The following WNT2 variants were observed in gnomAD, a reference collection of about 807,000 sequenced individuals.
The protein encoded by WNT2 is Wnt family member 2, also known as protein Wnt-2.
A neutral mutation model predicts 36.9 loss-of-function variants in WNT2; 12 were observed. The observed-to-expected ratio is 0.33, with a 90% confidence interval of 0.21 to 0.53. WNT2 has a LOEUF of 0.53. Among genes scored for constraint, WNT2 ranks in the 20% least tolerant of loss-of-function variants. The pLI, the probability that WNT2 is intolerant of heterozygous loss-of-function variation, is 0.95. For missense variants in WNT2, 379 were observed against 473.1 expected (o/e 0.80, Z 1.84); for synonymous variants, 163 against 174.6 (o/e 0.93, Z 0.52).
intron 4 of WNT2, among the ~76,000 whole-genome samples, chr7:117,296,406 C>G: frequency 6.6e-6 from 1 of 152,198 alleles, no homozygotes; most frequent in East Asian, 1.9e-4. Context: ...GTGACATTCC[C>G]TGGTAACTTT....
At chr7:117,304,624 C>T (rs141253230) in intron 3 of WNT2, among the ~76,000 whole-genome samples, 10,362 of 152,044 alleles carry the variant, frequency 0.068, 464 homozygotes, top group Non-Finnish European at 0.11. Context: ...TCAGTAGAGA[C>T]GGGGTTTCAC....
chr7:117,278,350 C>T lies in WNT2; in HGVS notation c.888G>A (p.Leu296=). Residue 296 remains leucine, a synonymous_variant, in exon 5 of 5, where the codon CTG becomes CTA. Transcript: ENST00000265441. ...SLGTAGRVCN[L]TSRGMDSCEV... ...CACAGCTGTCCATGCCCCGGGAAGT[C>T]AGGTTGCACACACGGCCTGCTGTAC... is the stretch of plus-strand genomic sequence containing the variant. The T allele has an allele frequency of 1.2e-6, 2 of 1,614,074 alleles. No individual in the cohort carries two copies. Among genetic ancestry groups the T allele is most frequent in the Non-Finnish European group, 1.7e-6 (2 of 1,179,994 alleles).
chr7:117,295,145 G>A (rs1361702708), intron 4 of WNT2, among the ~76,000 whole-genome samples: 1 of 146,198 alleles, frequency 6.8e-6, no homozygotes, highest in Non-Finnish European at 1.5e-5. Flanking sequence ...GAGATGAGAC[G>A]AGACAAGATG....
chr7:117,300,247 C>T (rs141156702), intron 3 of WNT2, among the ~76,000 whole-genome samples: 5 of 152,192 alleles, frequency 3.3e-5, no homozygotes, highest in East Asian at 1.9e-4. Flanking sequence ...AGTGCAGTGG[C>T]GCGATCTCAG....
intron 2 of WNT2, among the ~76,000 whole-genome samples, chr7:117,319,903 G>C (rs1795293530): frequency 6.6e-6 from 1 of 152,142 alleles, no homozygotes; most frequent in Admixed American, 6.5e-5. Context: ...GCCACTACAA[G>C]TTTATCCACT....
At chr7:117,299,103 G>T (rs971188256) in intron 3 of WNT2, among the ~76,000 whole-genome samples, 1 of 152,214 alleles carries the variant, frequency 6.6e-6, no homozygotes, top group African/African-American at 2.4e-5. Context: ...AGGGACCTGG[G>T]CATCTTTAAA....
At chr7:117,280,532 A>G (rs149543992) in intron 4 of WNT2, among the ~76,000 whole-genome samples, 406 of 152,318 alleles carry the variant, frequency 2.7e-3, no homozygotes, top group Admixed American at 8.1e-3. Context: ...TTGATTTGCT[A>G]AGGACCTACT....
chr7:117,321,489 G>T (rs901199624), intron 1 of WNT2, among the ~76,000 whole-genome samples: 1 of 152,160 alleles, frequency 6.6e-6, no homozygotes, highest in Non-Finnish European at 1.5e-5. Flanking sequence ...TTTTTGAAAA[G>T]AAACTTTAAC....
intron 4 of WNT2, among the ~76,000 whole-genome samples, chr7:117,285,532 A>C (rs1202330848): frequency 6.6e-6 from 1 of 152,210 alleles, no homozygotes; most frequent in Non-Finnish European, 1.5e-5. Context: ...CATTTCCAAC[A>C]GCCATCTTGA....
intron 3 of WNT2, among the ~76,000 whole-genome samples, chr7:117,314,333 G>A (rs117625230): frequency 1.3e-5 from 2 of 152,196 alleles, no homozygotes; most frequent in African/African-American, 2.4e-5. Context: ...CTAGGGTAAA[G>A]CACCCCTGGA....
At position 117,315,255 on chromosome 7, in the gene WNT2, C is replaced by T. The variant is rs781180000; in HGVS notation, c.404G>A (p.Cys135Tyr). ...RACSQGEVKS[C>Y]SCDPKKMGSA... ...TCCCATCTTCTTTGGATCACAGGAA[C>T]AGGATTTTACTTCTCCTTGGCTACA... Residue 135 changes from cysteine to tyrosine, a missense_variant, in exon 3 of 5, where the codon TGT (cysteine) becomes TAT (tyrosine). Coordinates refer to ENST00000265441, the MANE Select transcript of WNT2 (RefSeq NM_003391.3). 6.2e-7 allele frequency: 1 copy of T among 1,614,220 alleles called. No homozygotes were observed. The highest frequency in any genetic ancestry group is 1.1e-5 in the South Asian group (1 of 91,082).
intron 3 of WNT2, among the ~76,000 whole-genome samples, chr7:117,307,327 C>G (rs1232279137): frequency 6.6e-6 from 1 of 152,146 alleles, no homozygotes; most frequent in Non-Finnish European, 1.5e-5. Flanking sequence ...AAGGTATATA[C>G]TATTATTATC....
intron 2 of WNT2, among the ~76,000 whole-genome samples, chr7:117,316,319 T>C (rs893499985): frequency 2.6e-5 from 4 of 152,248 alleles, no homozygotes; most frequent in Admixed American, 1.3e-4. Flanking sequence ...TAGTGACAGA[T>C]ATAAGGCTCT....
chr7:117,310,530 C>A (rs758859845), intron 3 of WNT2, among the ~76,000 whole-genome samples: 3 of 148,840 alleles, frequency 2.0e-5, no homozygotes, highest in Non-Finnish European at 4.4e-5. Context: ...CTCTAGTGAG[C>A]CGAGATTGTG....
chr7:117,280,476 C>T (rs772863727), intron 4 of WNT2, among the ~76,000 whole-genome samples: 4 of 152,052 alleles, frequency 2.6e-5, no homozygotes, highest in Non-Finnish European at 5.9e-5. Flanking sequence ...CTCTATATGG[C>T]GCAGAGTTAA....
rs1795307527 is a variant in WNT2 at position 117,320,708 on chromosome 7, G to A, written c.169C>T (p.Arg57Ter). 6.2e-7 allele frequency: 1 copy of A among 1,613,926 alleles called. No individual in the cohort carries two copies. The change falls in exon 2 of 5, where the codon CGA (arginine) becomes TGA (stop). Residue 57 changes from arginine to a stop codon, truncating the protein, a stop_gained. Transcript: ENST00000265441. LOFTEE classifies it high-confidence loss of function. ...ATGGCACGCATCACATCTGGATGTC[G>A]GTGACACAGCTGCCGCTGGCTGCTC... The part of the protein sequence containing the change: ...LVSSQRQLCH[R>*]HPDVMRAISQ...
intron 3 of WNT2, among the ~76,000 whole-genome samples, chr7:117,304,752 A>T (rs1794983459): frequency 6.6e-6 from 1 of 152,084 alleles, no homozygotes; most frequent in African/African-American, 2.4e-5. Flanking sequence ...TTCTTTTTTA[A>T]TGGCATTCTA....
intron 4 of WNT2, among the ~76,000 whole-genome samples, chr7:117,281,410 G>A (rs1350733667): frequency 6.6e-6 from 1 of 152,050 alleles, no homozygotes; most frequent in African/African-American, 2.4e-5. Flanking sequence ...GCTAATTTTT[G>A]TATCTTCTGT....
chr7:117,321,945 C>T (rs1795338169), intron 1 of WNT2: 1 of 152,212 alleles, frequency 6.6e-6, no homozygotes, highest in South Asian at 2.1e-4. Flanking sequence ...CTAAAAATTT[C>T]CCTGCTCTAG....
Sources: gnomAD v4.1 joint callset for allele counts (sites outside exome capture counted in the v4.1 genomes callset) on GRCh38, gnomAD v4.1.1 for gene constraint, MANE v1.5 for transcripts, NCBI Gene and HGNC (gene_info 2026-07-23, HGNC 2026-07-21) for gene names.